ZAP70: variants seen among roughly 807,000 people sequenced by gnomAD.
ZAP70 encodes tyrosine-protein kinase ZAP-70.
In ZAP70, 27 loss-of-function variants were observed where a neutral mutation model predicts 65.8. That is an observed-to-expected ratio of 0.41 (90% CI 0.30 to 0.57). The LOEUF (loss-of-function observed/expected upper bound fraction) is 0.57, where lower values mean the gene tolerates loss of function less well. Ranked by LOEUF, ZAP70 falls within the 20% of genes least tolerant of loss-of-function variation. The pLI is 0.28. For missense variants in ZAP70, 696 were observed against 870.5 expected (o/e 0.80, Z 2.52); for synonymous variants, 363 against 360.8 (o/e 1.01, Z -0.07).
chr2:97,724,080 T>C lies in ZAP70; in HGVS notation c.44T>C (p.Ile15Thr), dbSNP rs1677269736. The C allele has an allele frequency of 6.4e-7, 1 of 1,559,822 alleles. No homozygotes were observed. The highest frequency in any genetic ancestry group is 8.6e-7 in the Non-Finnish European group (1 of 1,156,990). Residue 15 changes from isoleucine (I) to threonine (T), a missense_variant, in exon 3 of 14, where the codon ATC becomes ACC. Physicochemically the swap from Ile to Thr is moderately conservative, Grantham distance 89. This residue lies in a region of ZAP70 where 551 missense variants were observed against 630.0 expected (regional missense o/e 0.87). Coordinates refer to ENST00000264972, the MANE Select transcript of ZAP70 (RefSeq NM_001079.4). ...AAHLPFFYGS[I>T]SRAEAEEHLK... is the part of the protein sequence containing the mutation. ...CACCTGCCCTTCTTCTACGGCAGCATCTCGCGTGCCGAGGCCGAGGAGCAC... is the reference window on the plus strand; with the variant it reads ...CACCTGCCCTTCTTCTACGGCAGCACCTCGCGTGCCGAGGCCGAGGAGCAC...
In ZAP70 at chr2:97,726,469, G is replaced by A. The variant is rs140486965; in HGVS notation, c.563+1217G>A. 6.9e-3 allele frequency among the ~76,000 whole-genome samples: 1,048 copies of A among 152,356 alleles called. 2 individuals are homozygous for A. Among genetic ancestry groups the A allele is most frequent in the Non-Finnish European group, 0.01 (711 of 68,044 alleles). ...GGACAATTCTTGGGCCTTCCTTCTC[G>A]TGAGTGCTTCTTGGCCTGAGCCCCT... On this transcript the variant is annotated intron_variant, in intron 4 of 13. Transcript: ENST00000264972.
At chr2:97,724,844 A>G (rs1677315009) in intron 3 of ZAP70, 1 of 1,520,660 alleles carries the variant, frequency 6.6e-7, no homozygotes, top group African/African-American at 1.4e-5. Context: ...ATGCACAACT[A>G]CCTGAATTAG....
the ZAP70 span, among the ~76,000 whole-genome samples, chr2:97,749,186 T>A: frequency 6.6e-5 from 10 of 152,156 alleles, no homozygotes; most frequent in South Asian, 2.1e-3. Context: ...ATTTTTTGTA[T>A]TTTTAGTAGA....
chr2:97,734,741 A>C, intron 9 of ZAP70, 29 bp downstream of exon 9: 1 of 1,611,234 alleles, frequency 6.2e-7, no homozygotes. Context: ...TGGTGGGAGC[A>C]CCGCCGCCTG....
Position 97,724,386 on chromosome 2 carries a change from G to C in ZAP70, c.350G>C (p.Cys117Ser). 6.5e-7 allele frequency: 1 copy of C among 1,538,810 alleles called. No individual in the cohort carries two copies. The highest frequency in any genetic ancestry group is 2.3e-5 in the East Asian group (1 of 43,418). Residue 117 changes from cysteine (C) to serine (S), a missense_variant, in exon 3 of 14, where the codon TGC becomes TCC. By Grantham distance (112) the Cys-to-Ser change is moderately radical (BLOSUM62 -1). Around this residue, in one of 3 missense-constraint regions of ZAP70, gnomAD observed 551 missense variants for 630.0 expected, o/e 0.87. Transcript: ENST00000264972. ...GAGCCGCAGCCGGGGGTCTTCGACTGCCTGCGAGACGCCATGGTGCGTGAC... is the reference window on the plus strand; with the variant it reads ...GAGCCGCAGCCGGGGGTCTTCGACTCCCTGCGAGACGCCATGGTGCGTGAC... Reference protein sequence around the residue: ...GLEPQPGVFDCLRDAMVRDYV... With the variant: ...GLEPQPGVFDSLRDAMVRDYV...
the ZAP70 span, among the ~76,000 whole-genome samples, chr2:97,754,340 C>G: frequency 6.6e-6 from 1 of 152,042 alleles, no homozygotes; most frequent in Non-Finnish European, 1.5e-5. Flanking sequence ...TCTGATGAAG[C>G]AAGTTTAGAA....
intron 8 of ZAP70, chr2:97,734,164 G>A (rs868089992): frequency 2.7e-5 from 9 of 339,008 alleles, no homozygotes; most frequent in Middle Eastern, 8.7e-4. Flanking sequence ...TGGAGGCCTC[G>A]TAAATGTGGC....
rs201082521 is a variant in ZAP70 at position 97,732,962 on chromosome 2, C to G, written c.643C>G (p.Gln215Glu). 3.7e-6 allele frequency: 6 copies of G among 1,614,126 alleles called. No homozygotes were observed. Among genetic ancestry groups the G allele is most frequent in the Non-Finnish European group, 5.1e-6 (6 of 1,180,042 alleles). ...GKTVYHYLIS[Q>E]DKAGKYCIPE... ...GACGGTGTACCACTACCTCATCAGC[C>G]AAGACAAGGCGGGCAAGTACTGCAT... Residue 215 changes from glutamine (Q) to glutamate (E), a missense_variant, in exon 5 of 14, where the codon CAA becomes GAA. Gln to Glu is a conservative substitution (Grantham distance 29). This residue lies in a region of ZAP70 where 551 missense variants were observed against 630.0 expected (regional missense o/e 0.87). Coordinates refer to ENST00000264972, the MANE Select transcript of ZAP70 (RefSeq NM_001079.4).
chr2:97,756,311 T>A, the ZAP70 span: 1 of 152,178 alleles, frequency 6.6e-6, no homozygotes, highest in Non-Finnish European at 1.5e-5. Context: ...ACACCTTGTG[T>A]GTAAAAAAAA....
chr2:97,724,708 C>G, intron 3 of ZAP70: 2 of 1,513,876 alleles, frequency 1.3e-6, no homozygotes, highest in South Asian at 2.4e-5. Flanking sequence ...CTGGGCCGGG[C>G]GAAGGCGAGG....
At chr2:97,718,402 C>G (rs1455188038) in intron 2 of ZAP70, among the ~76,000 whole-genome samples, 1 of 152,212 alleles carries the variant, frequency 6.6e-6, no homozygotes, top group Non-Finnish European at 1.5e-5. Flanking sequence ...CCCACCTTCT[C>G]TGGCCTCCCC....
Position 97,736,826 on chromosome 2 carries a change from G to T in ZAP70, c.1290-647G>T, listed in dbSNP as rs1677906427. ...GCCAGGCCTTGCGGGCTGCCAGGAG[G>T]ACTTGGAGTTTTACCCTGAGTTGGG... is the stretch of plus-strand genomic sequence containing the variant. On this transcript the variant is annotated intron_variant, in intron 10 of 13. Coordinates refer to ENST00000264972, the MANE Select transcript of ZAP70 (RefSeq NM_001079.4). This position sits in a 1 kb window ranked among gnomAD's most constrained non-coding sequence, Gnocchi z 4.0. Among the ~76,000 whole-genome samples, 1 of 152,144 alleles carries T rather than the reference G, an allele frequency of 6.6e-6. No individual in the cohort carries two copies. Among genetic ancestry groups the T allele is most frequent in the Non-Finnish European group, 1.5e-5 (1 of 68,024 alleles).
At chr2:97,732,162 A>C (rs1203399963) in intron 4 of ZAP70, among the ~76,000 whole-genome samples, 1 of 152,196 alleles carries the variant, frequency 6.6e-6, no homozygotes. Flanking sequence ...CATCATAGAC[A>C]TGGAAGATTT....
At chr2:97,749,203 G>C in the ZAP70 span, among the ~76,000 whole-genome samples, 1 of 152,006 alleles carries the variant, frequency 6.6e-6, no homozygotes, top group Non-Finnish European at 1.5e-5. Context: ...TAGAGACGGG[G>C]TTTCACCGTG....
chr2:97,749,004 CTTTTTTTTTT>C, the ZAP70 span, among the ~76,000 whole-genome samples: 1 of 114,992 alleles, frequency 8.7e-6, no homozygotes, highest in Non-Finnish European at 1.7e-5. Context: ...TGACACTTCC[CTTTTTTTTTT>C]TTTTTTTTTT....
chr2:97,716,704 G>C (rs570122044), intron 2 of ZAP70, among the ~76,000 whole-genome samples: 2 of 152,322 alleles, frequency 1.3e-5, no homozygotes, highest in African/African-American at 4.8e-5. Flanking sequence ...TGTGGCTGGA[G>C]GGGAGTGAGT....
At chr2:97,734,743 C>G (rs199629898) in intron 9 of ZAP70, 31 bp downstream of exon 9, 14 of 1,611,032 alleles carry the variant, frequency 8.7e-6, no homozygotes, top group South Asian at 1.1e-5. Flanking sequence ...GTGGGAGCAC[C>G]GCCGCCTGGG....
chr2:97,734,431 G>C, intron 8 of ZAP70, 89 bp from the exon 9 acceptor site: 1 of 1,494,132 alleles, frequency 6.7e-7, no homozygotes, highest in Non-Finnish European at 8.9e-7. Context: ...CGGCACCCTT[G>C]TCTGGGGCAG....
downstream of ZAP70, among the ~76,000 whole-genome samples, chr2:97,744,214 C>T (rs1432223873): frequency 6.6e-6 from 1 of 152,208 alleles, no homozygotes; most frequent in Non-Finnish European, 1.5e-5. Context: ...CTCCCCTCAG[C>T]TCTGACTCAT....
Sources: gnomAD v4.1 joint callset for allele counts (sites outside exome capture counted in the v4.1 genomes callset) on GRCh38, gnomAD v4.1.1 for gene constraint, gnomAD v4.1.1 regional missense constraint, Gnocchi (gnomAD v3.1) non-coding constraint, MANE v1.5 for transcripts, NCBI Gene and HGNC (gene_info 2026-07-23, HGNC 2026-07-21) for gene names.